TRIM62: variants seen among roughly 807,000 people sequenced by gnomAD.
TRIM62 encodes tripartite motif containing 62.
Under a neutral mutation model 44.2 loss-of-function variants are expected in TRIM62, and 39 were observed. The observed-to-expected ratio is 0.88, with a 90% confidence interval of 0.68 to 1.15. The LOEUF is 1.15. Ranked by LOEUF, TRIM62 falls within the 50% of genes most tolerant of loss-of-function variation. The pLI, the probability that TRIM62 is intolerant of heterozygous loss-of-function variation, is 0.00. For synonymous variants in TRIM62, 278 were observed against 292.3 expected (o/e 0.95, Z 0.50); for missense variants, 544 against 665.5 (o/e 0.82, Z 2.01).
At position 33,159,613 on chromosome 1, in the gene TRIM62, C is replaced by A; in HGVS notation, c.761+75G>T. The A allele has an allele frequency of 6.6e-7, 1 of 1,517,126 alleles. No homozygotes were observed. The highest frequency in any genetic ancestry group is 8.8e-7 in the Non-Finnish European group (1 of 1,134,618). The allele number at this position is 1,517,126 out of a possible 1,614,324, so 94.0% of individuals were successfully genotyped here. A position where few individuals can be genotyped will look rare whatever the true frequency, so the allele number is the denominator to read the frequency against. ...AATTCTCTGCTAAGGATCCCATCTG[C>A]CTCCACTCCCACTGCCCAGCATGGG... On this transcript the variant is annotated intron_variant, in intron 3 of 4. Coordinates refer to ENST00000291416, the MANE Select transcript of TRIM62 (RefSeq NM_018207.3). The surrounding 1 kb of genome is among the most constrained non-coding windows in gnomAD (Gnocchi z 4.2).
chr1:33,154,845 G>A (rs2124721765), intron 4 of TRIM62, among the ~76,000 whole-genome samples: 1 of 150,852 alleles, frequency 6.6e-6, no homozygotes. Context: ...TGTAATCCCA[G>A]CACTTTGGGA....
chr1:33,147,523 G>T lies in TRIM62; in HGVS notation c.1082C>A (p.Thr361Asn). ...HYWEVVVAEKTQWVIGLAHEA... is the reference protein window; with the variant it reads ...HYWEVVVAEKNQWVIGLAHEA... Reference sequence around the variant, plus strand: ...GTGTGCCAGCCCGATCACCCACTGGGTCTTCTCCGCCACCACCACCTCCCA... The same window carrying T: ...GTGTGCCAGCCCGATCACCCACTGGTTCTTCTCCGCCACCACCACCTCCCA... The change falls in exon 5 of 5, where the codon ACC (threonine) becomes AAC (asparagine). Residue 361 changes from threonine (T) to asparagine (N), a missense_variant. Thr to Asn is a moderately conservative substitution (Grantham distance 65). Transcript: ENST00000291416. The surrounding 1 kb of genome is among the most constrained non-coding windows in gnomAD (Gnocchi z 8.1). 1.2e-6 allele frequency: 2 copies of T among 1,613,800 alleles called. No homozygotes were observed. The highest frequency in any genetic ancestry group is 1.7e-6 in the Non-Finnish European group (2 of 1,179,972).
At chr1:33,158,510 G>A (rs1645213283) in intron 3 of TRIM62, 142 bp from the exon 4 acceptor site, 2 of 640,322 alleles carry the variant, frequency 3.1e-6, no homozygotes, top group Admixed American at 5.0e-5. Flanking sequence ...TCAAGTGCCT[G>A]CTTGTGCTGC....
In TRIM62 at chr1:33,159,757, A is replaced by G; in HGVS notation, c.692T>C (p.Ile231Thr). The G allele has an allele frequency of 6.2e-7, 1 of 1,613,512 alleles. No individual in the cohort carries two copies. ...GGTTTCAGCCAGCCGCTCCTGCAGG[A>G]TCTGGGCTCCCTCCTGGACCTTGCG... ...QLRKVQEGAQ[I>T]LQERLAETDR... The change falls in exon 3 of 5, where the codon ATC becomes ACC. Residue 231 changes from isoleucine (I) to threonine (T), a missense_variant. Transcript: ENST00000291416. This position sits in a 1 kb window ranked among gnomAD's most constrained non-coding sequence, Gnocchi z 4.2.
intron 1 of TRIM62, among the ~76,000 whole-genome samples, chr1:33,179,632 C>T (rs1332541698): frequency 6.6e-6 from 1 of 152,124 alleles, no homozygotes; most frequent in Non-Finnish European, 1.5e-5. Flanking sequence ...TTCATTTGGC[C>T]TTTATTGGTG....
chr1:33,155,292 G>A (rs1376891960), intron 4 of TRIM62, among the ~76,000 whole-genome samples: 1 of 151,712 alleles, frequency 6.6e-6, no homozygotes, highest in Non-Finnish European at 1.5e-5. Context: ...GGCTGGTCTC[G>A]AACTCCTGAC....
At chr1:33,150,083 G>C (rs1014411527) in intron 4 of TRIM62, among the ~76,000 whole-genome samples, 1 of 152,246 alleles carries the variant, frequency 6.6e-6, no homozygotes, top group African/African-American at 2.4e-5. Context: ...TCTGCTCCCT[G>C]AGGGAGCTGA....
At chr1:33,155,990 G>A (rs1645172995) in intron 4 of TRIM62, among the ~76,000 whole-genome samples, 1 of 152,196 alleles carries the variant, frequency 6.6e-6, no homozygotes, top group Non-Finnish European at 1.5e-5. Context: ...CATCAGAAGA[G>A]AATCCCCCAA....
chr1:33,170,502 C>A (rs904826856), intron 1 of TRIM62, among the ~76,000 whole-genome samples: 1 of 151,978 alleles, frequency 6.6e-6, no homozygotes, highest in African/African-American at 2.4e-5. Flanking sequence ...GCCACACACC[C>A]CTGGCCTCGC....
chr1:33,162,594 A>G (rs1206737679), intron 2 of TRIM62, among the ~76,000 whole-genome samples: 1 of 152,144 alleles, frequency 6.6e-6, no homozygotes, highest in Non-Finnish European at 1.5e-5. Context: ...AGGAGGGAAG[A>G]GTCTTGTCTG....
rs1645033822 is a variant in TRIM62, at chr1:33,147,350, A to AGCTTG, written c.1254_1255insCAAGC (p.Phe419GlnfsTer117). The AGCTTG allele has an allele frequency of 6.2e-7, 1 of 1,614,212 alleles. No homozygotes were observed. Among genetic ancestry groups the AGCTTG allele is most frequent in the East Asian group, 2.2e-5 (1 of 44,890 alleles). Reference sequence around the variant, plus strand: ...AGCAAGCCTTGGTCATAGTCCAGGAAGACACCCACCTTGTCAAGCTTGTCC... The same window carrying AGCTTG: ...AGCAAGCCTTGGTCATAGTCCAGGAAGCTTGGACACCCACCTTGTCAAGCTTGTCC... On this transcript the variant is annotated frameshift_variant, in exon 5 of 5. Transcript: ENST00000291416. LOFTEE classifies it high-confidence loss of function. The surrounding 1 kb of genome is among the most constrained non-coding windows in gnomAD (Gnocchi z 8.1).
At position 33,165,358 on chromosome 1, in the gene TRIM62, C is replaced by G. The variant is rs1175967085; in HGVS notation, c.504+113G>C. On this transcript the variant is annotated intron_variant, in intron 2 of 4. Transcript: ENST00000291416. This position sits in a 1 kb window ranked among gnomAD's most constrained non-coding sequence, Gnocchi z 4.0. ...TCACTCCAGGTTTGGCTCCTTGAAG[C>G]CAGGTTTCCACCGCACACCCGAGGC... is the stretch of plus-strand genomic sequence containing the variant. The G allele has an allele frequency of 3.9e-6, 4 of 1,016,884 alleles. No homozygotes were observed. The highest frequency in any genetic ancestry group is 5.6e-6 in the Non-Finnish European group (4 of 710,854). 63.0% of individuals were successfully genotyped at this position (1,016,884 alleles called of 1,614,324 possible). A position where few individuals can be genotyped will look rare whatever the true frequency, so the allele number is the denominator to read the frequency against.
chr1:33,150,376 G>C (rs1645080055), intron 4 of TRIM62, among the ~76,000 whole-genome samples: 1 of 152,260 alleles, frequency 6.6e-6, no homozygotes, highest in African/African-American at 2.4e-5. Flanking sequence ...CCAACAGGGA[G>C]CTACAGCCAG....
intron 1 of TRIM62, among the ~76,000 whole-genome samples, chr1:33,173,906 C>T (rs1349598151): frequency 6.6e-6 from 1 of 151,838 alleles, no homozygotes; most frequent in African/African-American, 2.4e-5. Flanking sequence ...TCTGTGTTGC[C>T]CAGGATGGTC....
intron 4 of TRIM62, among the ~76,000 whole-genome samples, chr1:33,154,434 C>T (rs531790647): frequency 4.6e-5 from 7 of 152,256 alleles, no homozygotes; most frequent in African/African-American, 1.4e-4. Flanking sequence ...GCCAGCTTCT[C>T]ATTCTCTCTT....
Position 33,145,861 on chromosome 1 carries a change from AG to A in TRIM62, c.*1315del, listed in dbSNP as rs1200049741. 2.1e-6 allele frequency: 1 copy of A among 471,158 alleles called. No individual in the cohort carries two copies. The highest frequency in any genetic ancestry group is 2.0e-5 in the African/African-American group (1 of 50,206). The allele number at this position is 471,158 out of a possible 1,614,324, so 29.2% of individuals were successfully genotyped here. On this transcript the variant is annotated 3_prime_UTR_variant, in exon 5 of 5. Coordinates refer to ENST00000291416, the MANE Select transcript of TRIM62 (RefSeq NM_018207.3). ...GCTCCACCCACCCTAACTTCCTTCT[AG>A]GGAAATGACATTTCCCAGACTCCCT...
chr1:33,181,008 C>G lies in TRIM62; in HGVS notation c.408+17G>C, dbSNP rs1318223814. On this transcript the variant is annotated intron_variant, in intron 1 of 4. Transcript: ENST00000291416. This position sits in a 1 kb window ranked among gnomAD's most constrained non-coding sequence, Gnocchi z 6.5. ...AGCCCGGCCCCGCCCCTTCCCCAGGCAGGCCGGGTAGCGCACCTGCAGCTC... is the reference window on the plus strand; with the variant it reads ...AGCCCGGCCCCGCCCCTTCCCCAGGGAGGCCGGGTAGCGCACCTGCAGCTC... 7.6e-7 allele frequency: 1 copy of G among 1,318,652 alleles called. No individual in the cohort carries two copies. Among genetic ancestry groups the G allele is most frequent in the African/African-American group, 1.5e-5 (1 of 65,438 alleles). The allele number at this position is 1,318,652 out of a possible 1,614,324, so 81.7% of individuals were successfully genotyped here.
intron 4 of TRIM62, among the ~76,000 whole-genome samples, chr1:33,157,643 T>C (rs887610872): frequency 1.3e-5 from 2 of 152,220 alleles, no homozygotes; most frequent in African/African-American, 4.8e-5. Flanking sequence ...GAACAGTTCC[T>C]GATGTGAACT....
chr1:33,159,601 G>A lies in TRIM62; in HGVS notation c.761+87C>T. The A allele has an allele frequency of 1.3e-6, 2 of 1,483,052 alleles. No individual in the cohort carries two copies. Among genetic ancestry groups the A allele is most frequent in the South Asian group, 2.6e-5 (2 of 76,760 alleles). 91.9% of individuals were successfully genotyped at this position (1,483,052 alleles called of 1,614,324 possible). A position where few individuals can be genotyped will look rare whatever the true frequency, so the allele number is the denominator to read the frequency against. Reference sequence around the variant, plus strand: ...TTTGAATGAAAGAATTCTCTGCTAAGGATCCCATCTGCCTCCACTCCCACT... The same window carrying A: ...TTTGAATGAAAGAATTCTCTGCTAAAGATCCCATCTGCCTCCACTCCCACT... On this transcript the variant is annotated intron_variant, in intron 3 of 4. Coordinates refer to ENST00000291416, the MANE Select transcript of TRIM62 (RefSeq NM_018207.3). The surrounding 1 kb of genome is among the most constrained non-coding windows in gnomAD (Gnocchi z 4.2).
Sources: gnomAD v4.1 joint callset for allele counts (sites outside exome capture counted in the v4.1 genomes callset) on GRCh38, gnomAD v4.1.1 for gene constraint, Gnocchi (gnomAD v3.1) non-coding constraint, MANE v1.5 for transcripts, NCBI Gene and HGNC (gene_info 2026-07-23, HGNC 2026-07-21) for gene names.